The following BRINP2 variants were observed in gnomAD, a reference collection of about 807,000 sequenced individuals.
BRINP2 encodes BMP/retinoic acid-inducible neural-specific protein 2.
In BRINP2, 21 loss-of-function variants were observed where a neutral mutation model predicts 69.2. That is an observed-to-expected ratio of 0.30 (90% CI 0.22 to 0.44). The LOEUF is 0.44. Ranked by LOEUF, BRINP2 falls within the 20% of genes least tolerant of loss-of-function variation. The pLI is 1.00. For missense variants in BRINP2, 877 were observed against 986.0 expected (o/e 0.89, Z 1.48); for synonymous variants, 380 against 394.1 (o/e 0.96, Z 0.42).
chr1:177,242,469 T>A (rs541698826), intron 2 of BRINP2, among the ~76,000 whole-genome samples: 2 of 152,244 alleles, frequency 1.3e-5, no homozygotes, highest in Admixed American at 1.3e-4. Flanking sequence ...CCCCTTGATG[T>A]CCTGTGTCTT....
chr1:177,235,323 A>C (rs1649985791), intron 2 of BRINP2, among the ~76,000 whole-genome samples: 1 of 152,218 alleles, frequency 6.6e-6, no homozygotes, highest in Admixed American at 6.5e-5. Context: ...CAGAACGTGT[A>C]CTGGAAAGAC....
At chr1:177,256,626 A>G (rs1650768684) in intron 3 of BRINP2, 1 of 985,342 alleles carries the variant, frequency 1.0e-6, no homozygotes, top group African/African-American at 1.7e-5. Flanking sequence ...GACCCAGGGC[A>G]GGATCAAAAT....
At chr1:177,226,899 C>T (rs1571915135) in intron 1 of BRINP2, among the ~76,000 whole-genome samples, 1 of 152,140 alleles carries the variant, frequency 6.6e-6, no homozygotes, top group Admixed American at 6.5e-5. Flanking sequence ...CTGTTTGCTA[C>T]TCCCCAGGCC....
intron 1 of BRINP2, among the ~76,000 whole-genome samples, chr1:177,209,708 C>T (rs1382625138): frequency 6.6e-6 from 1 of 151,918 alleles, no homozygotes; most frequent in Admixed American, 6.6e-5. Context: ...CTGAAGCTCT[C>T]CGGTAAGAAC....
chr1:177,262,020 C>T (rs1323916937), intron 4 of BRINP2, among the ~76,000 whole-genome samples: 1 of 152,056 alleles, frequency 6.6e-6, no homozygotes, highest in East Asian at 1.9e-4. Context: ...TGGTTCAGTA[C>T]ATGAAGAGTA....
At chr1:177,257,758 G>A (rs1422636083) in intron 4 of BRINP2, among the ~76,000 whole-genome samples, 3 of 152,206 alleles carry the variant, frequency 2.0e-5, no homozygotes, top group Non-Finnish European at 2.9e-5. Flanking sequence ...CAGCTCATAC[G>A]ATTATTATTA....
chr1:177,212,311 T>G (rs192754601), intron 1 of BRINP2, among the ~76,000 whole-genome samples: 11 of 152,240 alleles, frequency 7.2e-5, no homozygotes, highest in Middle Eastern at 6.8e-3. Context: ...TTTGGGAGGC[T>G]GAGGTGGGCG....
chr1:177,276,234 G>A lies in BRINP2; in HGVS notation c.812G>A (p.Arg271His), dbSNP rs149493139. The A allele has an allele frequency of 4.6e-4, 745 of 1,614,118 alleles. No homozygotes were observed. Among genetic ancestry groups the A allele is most frequent in the Non-Finnish European group, 5.8e-4 (686 of 1,180,030 alleles). The change falls in exon 6 of 8, where the codon CGC becomes CAC. Residue 271 changes from arginine to histidine, a missense_variant. Transcript: ENST00000361539. ...CTGCTGCCTGAGTATCTGCGTGAGC[G>A]CTTTGTAGCTGCAGCACTCAGCTAC... is the stretch of plus-strand genomic sequence containing the variant. Reference protein sequence around the residue: ...QVLLPEYLRERFVAAALSYIT... With the variant: ...QVLLPEYLREHFVAAALSYIT...
At chr1:177,192,790 A>T (rs1288628123) in intron 1 of BRINP2, among the ~76,000 whole-genome samples, 1 of 152,272 alleles carries the variant, frequency 6.6e-6, no homozygotes, top group Non-Finnish European at 1.5e-5. Context: ...AAGGCAAAAT[A>T]GATCAGGTTT....
At chr1:177,246,998 A>G (rs1042882095) in intron 2 of BRINP2, among the ~76,000 whole-genome samples, 2 of 152,224 alleles carry the variant, frequency 1.3e-5, no homozygotes, top group African/African-American at 4.8e-5. Context: ...TGAAACTATC[A>G]TAGCTGAGTC....
Position 177,221,612 on chromosome 1 carries a change from C to A in BRINP2, c.-76-8189C>A, listed in dbSNP as rs191696725. On this transcript the variant is annotated intron_variant, in intron 1 of 7. Transcript: ENST00000361539. ...AAATATTCAAAATTATAAAAATATA[C>A]CCCAGCCCCATATCTCAGTTATTTC... Among the ~76,000 whole-genome samples the A allele has an allele frequency of 3.9e-5, 6 of 152,218 alleles. No homozygotes were observed. In the East Asian group the frequency reaches 1.2e-3, roughly 29 times the overall value.
At chr1:177,230,461 G>C (rs972276661) in intron 2 of BRINP2, among the ~76,000 whole-genome samples, 2 of 152,224 alleles carry the variant, frequency 1.3e-5, no homozygotes, top group Non-Finnish European at 2.9e-5. Context: ...GTGTGGCCCA[G>C]GCTGCCGTAG....
chr1:177,200,127 A>C (rs939189849), intron 1 of BRINP2, among the ~76,000 whole-genome samples: 1 of 151,642 alleles, frequency 6.6e-6, no homozygotes, highest in African/African-American at 2.4e-5. Flanking sequence ...CCCCATCTCT[A>C]TTAAAAAATA....
At chr1:177,195,586 A>C (rs965146603) in intron 1 of BRINP2, among the ~76,000 whole-genome samples, 1 of 150,934 alleles carries the variant, frequency 6.6e-6, no homozygotes, top group Non-Finnish European at 1.5e-5. Flanking sequence ...TCACTCACTG[A>C]TTTTATGGCT....
chr1:177,220,642 G>T (rs569974013), intron 1 of BRINP2, among the ~76,000 whole-genome samples: 16 of 152,256 alleles, frequency 1.1e-4, no homozygotes, highest in African/African-American at 3.6e-4. Flanking sequence ...GTGTTTCTTT[G>T]TAGCAATGCA....
intron 1 of BRINP2, among the ~76,000 whole-genome samples, chr1:177,203,288 T>C (rs534260439): frequency 2.6e-4 from 39 of 151,764 alleles, no homozygotes; most frequent in African/African-American, 8.7e-4. Flanking sequence ...TGAGAACACA[T>C]GGACACAGGA....
chr1:177,231,759 A>G (rs1314782143), intron 2 of BRINP2, among the ~76,000 whole-genome samples: 1 of 152,242 alleles, frequency 6.6e-6, no homozygotes, highest in Non-Finnish European at 1.5e-5. Context: ...CAAGGGCCAC[A>G]GCAGAAATTC....
At chr1:177,265,182 C>T (rs1246347257) in intron 4 of BRINP2, among the ~76,000 whole-genome samples, 1 of 152,102 alleles carries the variant, frequency 6.6e-6, no homozygotes, top group Admixed American at 6.5e-5. Flanking sequence ...TTTGACAAAC[C>T]TGACAAAAAC....
chr1:177,199,395 T>C (rs1648838366), intron 1 of BRINP2, among the ~76,000 whole-genome samples: 1 of 152,154 alleles, frequency 6.6e-6, no homozygotes, highest in South Asian at 2.1e-4. Context: ...TGGTCATCAG[T>C]TCCTTCTGAG....
Sources: allele counts gnomAD v4.1 joint callset (sites outside exome capture counted in the v4.1 genomes callset), GRCh38; gene constraint gnomAD v4.1.1; transcripts MANE v1.5; gene names NCBI Gene and HGNC (gene_info 2026-07-23, HGNC 2026-07-21).